Variants in BMPR1A observed in about 807,000 individuals in gnomAD.
BMPR1A encodes the protein bone morphogenetic protein receptor type-1A.
Under a neutral mutation model 66.0 loss-of-function variants are expected in BMPR1A, and 7 were observed. The ratio of observed to expected loss-of-function variants is 0.11; its 90% confidence interval spans 0.06 to 0.20. BMPR1A has a LOEUF of 0.20. BMPR1A is among the 10% of genes least tolerant of loss of function. The pLI, the probability that BMPR1A is intolerant of heterozygous loss-of-function variation, is 1.00. For missense variants in BMPR1A, 408 were observed against 669.1 expected (o/e 0.61, Z 4.31); for synonymous variants, 200 against 229.7 (o/e 0.87, Z 1.17).
intron 3 of BMPR1A, among the ~76,000 whole-genome samples, chr10:86,884,201 C>T (rs1284498813): frequency 1.3e-5 from 2 of 151,812 alleles, no homozygotes; most frequent in Admixed American, 1.3e-4. Flanking sequence ...CCTTCCGCCT[C>T]AGCCACCCAA....
At chr10:86,886,484 A>C (rs1843068119) in intron 3 of BMPR1A, among the ~76,000 whole-genome samples, 2 of 152,152 alleles carry the variant, frequency 1.3e-5, no homozygotes, top group Non-Finnish European at 1.5e-5. Flanking sequence ...AAAACAATTG[A>C]CATACATTTT....
intron 1 of BMPR1A, among the ~76,000 whole-genome samples, chr10:86,761,137 G>A (rs1841049907): frequency 6.6e-6 from 1 of 152,228 alleles, no homozygotes. Flanking sequence ...GAGATCAGAT[G>A]ATCAGTAGAC....
chr10:86,872,130 T>G (rs538166212), intron 2 of BMPR1A, among the ~76,000 whole-genome samples: 12 of 152,226 alleles, frequency 7.9e-5, no homozygotes, highest in Non-Finnish European at 1.5e-4. Context: ...CAGGGAAGAT[T>G]TGATGGCTGT....
chr10:86,925,660 A>G lies in BMPR1A; in HGVS notation c.*1941A>G, dbSNP rs549156432. The G allele has an allele frequency of 1.7e-3, 318 of 190,306 alleles. 4 individuals carry two copies. Among genetic ancestry groups the G allele is most frequent in the African/African-American group, 6.3e-3 (269 of 42,580 alleles). 11.8% of individuals were successfully genotyped at this position (190,306 alleles called of 1,614,324 possible). A position where few individuals can be genotyped will look rare whatever the true frequency, so the allele number is the denominator to read the frequency against. ...GATATGATTGCACTTAGAACACCCA[A>G]TTTACTTAAATCTTGGTTTACTTTT... On this transcript the variant is annotated 3_prime_UTR_variant, in exon 13 of 13. Coordinates refer to ENST00000372037, the MANE Select transcript of BMPR1A (RefSeq NM_004329.3).
chr10:86,779,177 C>G (rs1841399397), intron 1 of BMPR1A, among the ~76,000 whole-genome samples: 1 of 152,146 alleles, frequency 6.6e-6, no homozygotes, highest in Non-Finnish European at 1.5e-5. Flanking sequence ...CATATCTAGG[C>G]TGTTTGAATA....
At position 86,886,409 on chromosome 10, in the gene BMPR1A, T is replaced by C. The variant is rs140001248; in HGVS notation, c.68-3653T>C. The stretch of plus-strand genomic sequence containing the variant: ...AGAAGCAGAGGGAACAGTTGGAGAC[T>C]TCTTACCTTAGTAGAGGCATGATGT... On this transcript the variant is annotated intron_variant, in intron 3 of 12. Transcript: ENST00000372037. Among the ~76,000 whole-genome samples the C allele has an allele frequency of 1.2e-3, 184 of 152,340 alleles. 1 individual carries two copies. The highest frequency in any genetic ancestry group is 4.3e-3 in the African/African-American group (178 of 41,576).
intron 1 of BMPR1A, among the ~76,000 whole-genome samples, chr10:86,787,165 A>G (rs1250366455): frequency 2.6e-5 from 4 of 152,216 alleles, no homozygotes; most frequent in South Asian, 2.1e-4. Context: ...ATGATAATCA[A>G]TGGATTTTTT....
intron 3 of BMPR1A, among the ~76,000 whole-genome samples, chr10:86,888,620 A>G (rs1843102968): frequency 6.6e-6 from 1 of 152,084 alleles, no homozygotes; most frequent in South Asian, 2.1e-4. Flanking sequence ...TGAGCCCAGG[A>G]GTTCAAGACC....
At chr10:86,912,209 T>G (rs765041637) in intron 7 of BMPR1A, 31 bp from the exon 8 acceptor site, 3 of 1,610,784 alleles carry the variant, frequency 1.9e-6, no homozygotes, top group Non-Finnish European at 2.5e-6. Flanking sequence ...TTTTCATTTT[T>G]AATGTAGATT....
intron 1 of BMPR1A, among the ~76,000 whole-genome samples, chr10:86,833,879 T>TA (rs1480943300): frequency 6.6e-6 from 1 of 152,206 alleles, no homozygotes; most frequent in Non-Finnish European, 1.5e-5. Flanking sequence ...TATGAAAAGA[T>TA]ACACGTTAAG....
chr10:86,815,788 T>A (rs1032216908), intron 1 of BMPR1A, among the ~76,000 whole-genome samples: 5 of 152,228 alleles, frequency 3.3e-5, no homozygotes, highest in African/African-American at 1.2e-4. Flanking sequence ...AGGTCTTCTT[T>A]AGTCCCAGGC....
intron 10 of BMPR1A, among the ~76,000 whole-genome samples, chr10:86,921,087 C>G (rs1306258057): frequency 6.6e-6 from 1 of 152,110 alleles, no homozygotes; most frequent in African/African-American, 2.4e-5. Context: ...CACCTGACCT[C>G]AGGTGATGCG....
intron 1 of BMPR1A, among the ~76,000 whole-genome samples, chr10:86,781,760 A>G (rs1256117592): frequency 1.3e-5 from 2 of 151,872 alleles, no homozygotes; most frequent in Admixed American, 1.3e-4. Flanking sequence ...ACCTCATGTA[A>G]GTGGAATTAT....
At chr10:86,915,178 ACCATG>A (rs1005623284) in intron 8 of BMPR1A, among the ~76,000 whole-genome samples, 1 of 152,110 alleles carries the variant, frequency 6.6e-6, no homozygotes, top group African/African-American at 2.4e-5. Flanking sequence ...GGCATGCACC[ACCATG>A]CCCAGCTAAT....
At chr10:86,861,924 C>G (rs1472330704) in intron 2 of BMPR1A, among the ~76,000 whole-genome samples, 4 of 152,142 alleles carry the variant, frequency 2.6e-5, no homozygotes, top group Admixed American at 2.6e-4. Flanking sequence ...TTGGGAAAGT[C>G]TGGTTTGTAT....
intron 1 of BMPR1A, among the ~76,000 whole-genome samples, chr10:86,794,564 A>G (rs996840828): frequency 6.6e-6 from 1 of 152,174 alleles, no homozygotes; most frequent in Non-Finnish European, 1.5e-5. Flanking sequence ...TGAAATGTAT[A>G]AAAAGTATAT....
rs79429157 is a variant in BMPR1A at position 86,846,902 on chromosome 10, A to G, written c.-153+7923A>G. On this transcript the variant is annotated intron_variant, in intron 2 of 12. Coordinates refer to ENST00000372037, the MANE Select transcript of BMPR1A (RefSeq NM_004329.3). ...CCTCTTAAGTTTTAAAGATACTATTATTTTTTCTTAATTTAAGCTTAGCGG... is the reference window on the plus strand; with the variant it reads ...CCTCTTAAGTTTTAAAGATACTATTGTTTTTTCTTAATTTAAGCTTAGCGG... 2.1e-3 allele frequency among the ~76,000 whole-genome samples: 315 copies of G among 151,956 alleles called. 1 individual carries two copies. The East Asian group carries it at 0.022, about 11-fold the overall frequency.
chr10:86,832,881 A>G (rs1842291671), intron 1 of BMPR1A, among the ~76,000 whole-genome samples: 1 of 152,228 alleles, frequency 6.6e-6, no homozygotes. Context: ...ACATCTGTAG[A>G]TAAATCTTTG....
chr10:86,909,152 A>G (rs1843440304), intron 7 of BMPR1A, among the ~76,000 whole-genome samples: 1 of 152,228 alleles, frequency 6.6e-6, no homozygotes, highest in African/African-American at 2.4e-5. Context: ...ATATAACTGT[A>G]AGGAGGATGT....
Sources: allele counts gnomAD v4.1 joint callset (sites outside exome capture counted in the v4.1 genomes callset), GRCh38; gene constraint gnomAD v4.1.1; transcripts MANE v1.5; gene names NCBI Gene and HGNC (gene_info 2026-07-23, HGNC 2026-07-21).